The following DOK5 variants were observed in gnomAD, a reference collection of about 807,000 sequenced individuals.
DOK5 encodes docking protein 5.
Under a neutral mutation model 43.3 loss-of-function variants are expected in DOK5, and 27 were observed. That is an observed-to-expected ratio of 0.62 (90% CI 0.46 to 0.86). The LOEUF (loss-of-function observed/expected upper bound fraction) is 0.86. DOK5 is among the 40% of genes least tolerant of loss of function. DOK5 has a pLI of 0.00. For synonymous variants in DOK5, 146 were observed against 140.1 expected (o/e 1.04, Z -0.30); for missense variants, 373 against 392.9 (o/e 0.95, Z 0.43).
chr20:54,486,721 C>A (rs927226819), intron 1 of DOK5, among the ~76,000 whole-genome samples: 1 of 152,076 alleles, frequency 6.6e-6, no homozygotes, highest in African/African-American at 2.4e-5. Flanking sequence ...TCTTTCTGAT[C>A]TTTACCTTAC....
chr20:54,533,685 AT>A (rs1238211809), intron 1 of DOK5, among the ~76,000 whole-genome samples: 5 of 152,052 alleles, frequency 3.3e-5, no homozygotes, highest in African/African-American at 7.2e-5. Flanking sequence ...GAATGACAGT[AT>A]TTTTTTTACT....
intron 6 of DOK5, among the ~76,000 whole-genome samples, chr20:54,616,352 C>A (rs1197576306): frequency 6.6e-6 from 1 of 152,088 alleles, no homozygotes; most frequent in African/African-American, 2.4e-5. Context: ...TCTGAAAACT[C>A]CAAATTAGTG....
At chr20:54,553,851 C>T (rs1012060602) in intron 1 of DOK5, among the ~76,000 whole-genome samples, 24 of 145,296 alleles carry the variant, frequency 1.7e-4, no homozygotes, top group Admixed American at 4.1e-4. Flanking sequence ...GAGCGGAGAT[C>T]GCACCACCTC....
Position 54,591,665 on chromosome 20 carries a change from C to T in DOK5, c.459C>T (p.Gly153=), listed in dbSNP as rs762067549. 17 of 1,613,022 alleles carry T rather than the reference C, an allele frequency of 1.1e-5. No homozygotes were observed. The highest frequency in any genetic ancestry group is 1.7e-5 in the Admixed American group (1 of 59,792). ...LMPSPNLDVH[G]ECALQITYEY... ...CATCTCCTAACTTAGATGTACATGG[C>T]GAATGTGCCTTGCAGATTACATATG... Residue 153 remains glycine, a synonymous_variant, in exon 5 of 8, where the codon GGC becomes GGT. Transcript: ENST00000262593.
At chr20:54,560,581 G>A (rs955952443) in intron 2 of DOK5, among the ~76,000 whole-genome samples, 15 of 152,082 alleles carry the variant, frequency 9.9e-5, no homozygotes, top group South Asian at 4.2e-4. Flanking sequence ...CCTGAAACAC[G>A]TTCAAAACTG....
At chr20:54,612,031 A>G (rs1986667346) in intron 6 of DOK5, among the ~76,000 whole-genome samples, 1 of 152,254 alleles carries the variant, frequency 6.6e-6, no homozygotes, top group South Asian at 2.1e-4. Context: ...ATGTAATCAA[A>G]TGAGCATGGC....
chr20:54,537,969 G>C (rs1315768952), intron 1 of DOK5, among the ~76,000 whole-genome samples: 1 of 150,154 alleles, frequency 6.7e-6, no homozygotes, highest in Non-Finnish European at 1.5e-5. Flanking sequence ...CTCCTGAATA[G>C]CTGGGATTAC....
chr20:54,577,391 A>T (rs993722866), intron 2 of DOK5, among the ~76,000 whole-genome samples: 3 of 152,220 alleles, frequency 2.0e-5, no homozygotes, highest in African/African-American at 7.2e-5. Flanking sequence ...CTAGCTCCGC[A>T]TCCATATAAT....
At chr20:54,627,147 C>T (rs928725135) in intron 6 of DOK5, among the ~76,000 whole-genome samples, 1 of 151,966 alleles carries the variant, frequency 6.6e-6, no homozygotes, top group African/African-American at 2.4e-5. Flanking sequence ...GCCATTAAAA[C>T]AATACTCTTT....
chr20:54,501,423 C>T (rs536243057), intron 1 of DOK5, among the ~76,000 whole-genome samples: 7 of 127,122 alleles, frequency 5.5e-5, no homozygotes, highest in South Asian at 5.3e-4. Context: ...GCCGAGATTG[C>T]GGCACTGCAC....
chr20:54,651,169 A>G lies in DOK5; in HGVS notation c.*690A>G, dbSNP rs1024944831. 1 of 152,084 alleles carries G rather than the reference A, an allele frequency of 6.6e-6. No homozygotes were observed. Among genetic ancestry groups the G allele is most frequent in the Non-Finnish European group, 1.5e-5 (1 of 68,028 alleles). The allele number at this position is 152,084 out of a possible 1,614,324, so 9.4% of individuals were successfully genotyped here. On this transcript the variant is annotated 3_prime_UTR_variant, in exon 8 of 8. Transcript: ENST00000262593. ...GAAAATAAAAGATCATTCTTCACCC[A>G]TATGTTCTTTGGATTCTGGCAACAT...
rs11470013 is a variant in DOK5 at position 54,634,437 on chromosome 20, C to CTTTTTTT, written c.736-9005_736-8999dup. Among the ~76,000 whole-genome samples, 52 of 90,406 alleles carry CTTTTTTT rather than the reference C, an allele frequency of 5.8e-4. 1 individual carries two copies. Among genetic ancestry groups the CTTTTTTT allele is most frequent in the African/African-American group, 1.2e-3 (21 of 17,166 alleles). The allele number at this position is 90,406 out of a possible 152,430, so 59.3% of individuals were successfully genotyped here. ...CACTCAACTAATTCATCATATCATG[C>CTTTTTTT]TTTTTTTTTTTTTTTTTTTTTTGAG... On this transcript the variant is annotated intron_variant, in intron 6 of 7. Transcript: ENST00000262593.
intron 7 of DOK5, among the ~76,000 whole-genome samples, chr20:54,647,118 A>G (rs1362825970): frequency 6.6e-6 from 1 of 152,108 alleles, no homozygotes; most frequent in Admixed American, 6.6e-5. Flanking sequence ...TACCTAATCT[A>G]CCTTCACTGC....
At chr20:54,583,286 C>T (rs1985696635) in intron 2 of DOK5, among the ~76,000 whole-genome samples, 1 of 152,048 alleles carries the variant, frequency 6.6e-6, no homozygotes, top group Non-Finnish European at 1.5e-5. Flanking sequence ...AGGAAAGATA[C>T]TTCAATTTGT....
At chr20:54,631,941 C>T (rs1978590786) in intron 6 of DOK5, among the ~76,000 whole-genome samples, 1 of 152,200 alleles carries the variant, frequency 6.6e-6, no homozygotes, top group Non-Finnish European at 1.5e-5. Context: ...CATTGCACTC[C>T]AGCCTGGCAA....
chr20:54,582,765 C>T (rs1052800327), intron 2 of DOK5, among the ~76,000 whole-genome samples: 4 of 151,906 alleles, frequency 2.6e-5, no homozygotes, highest in African/African-American at 9.7e-5. Flanking sequence ...TTAGACTCCA[C>T]TTATTTTCCT....
chr20:54,520,826 T>TGATATTTTACGTATAATAAAA (rs1983366770), intron 1 of DOK5, among the ~76,000 whole-genome samples: 1 of 151,586 alleles, frequency 6.6e-6, no homozygotes, highest in Non-Finnish European at 1.5e-5. Flanking sequence ...CCTACATGTC[T>TGATATTTTACGTATAATAAAA]TATATTTTAC....
chr20:54,487,099 A>G (rs6023283), intron 1 of DOK5, among the ~76,000 whole-genome samples: 9,448 of 152,274 alleles, frequency 0.062, 1,016 homozygotes, highest in African/African-American at 0.22. Context: ...CAGAACTTTG[A>G]TTATAAGACT....
intron 1 of DOK5, among the ~76,000 whole-genome samples, chr20:54,496,486 A>G (rs148655960): frequency 2.6e-5 from 4 of 152,114 alleles, no homozygotes; most frequent in African/African-American, 9.7e-5. Context: ...AGAAAAAAAG[A>G]GCTGAGCACG....
Sources: gnomAD v4.1 joint callset for allele counts (sites outside exome capture counted in the v4.1 genomes callset) on GRCh38, gnomAD v4.1.1 for gene constraint, MANE v1.5 for transcripts, NCBI Gene and HGNC (gene_info 2026-07-23, HGNC 2026-07-21) for gene names.